KIAA1217: variants seen among roughly 807,000 people sequenced by gnomAD.
The protein encoded by KIAA1217 is sickle tail protein homolog.
KIAA1217 carries 88 observed loss-of-function variants against 163.9 expected under a neutral mutation model. The ratio of observed to expected loss-of-function variants is 0.54; its 90% CI spans 0.45 to 0.64. KIAA1217 has a LOEUF of 0.64. Ranked by LOEUF, KIAA1217 falls within the 30% of genes least tolerant of loss-of-function variation. The probability of loss-of-function intolerance (pLI) is 0.00; values close to 1 mark genes in which losing one functional copy is unlikely to be tolerated. For synonymous variants in KIAA1217, 903 were observed against 923.1 expected (o/e 0.98, Z 0.39); for missense variants, 2,372 against 2,475.0 (o/e 0.96, Z 0.88).
At position 24,245,705 on chromosome 10, in the gene KIAA1217, C is replaced by T. The variant is rs572210413; in HGVS notation, c.354+25796C>T. Among the ~76,000 whole-genome samples the T allele has an allele frequency of 1.0e-3, 152 of 152,216 alleles. 1 individual carries two copies. The highest frequency in any genetic ancestry group is 3.6e-3 in the African/African-American group (150 of 41,536). ...GGAGTGTAGTGGTACAATCATGTCTCACTGCAGCCTCAACCTCCCGGGCTC... is the reference window on the plus strand; with the variant it reads ...GGAGTGTAGTGGTACAATCATGTCTTACTGCAGCCTCAACCTCCCGGGCTC... On this transcript the variant is annotated intron_variant, in intron 2 of 20. Coordinates refer to ENST00000376454, the MANE Select transcript of KIAA1217 (RefSeq NM_019590.5).
At chr10:24,078,313 G>A (rs746284517) in intron 2 of KIAA1217, among the ~76,000 whole-genome samples, 8 of 152,276 alleles carry the variant, frequency 5.3e-5, no homozygotes, top group East Asian at 1.9e-4. Flanking sequence ...GGGTAAAGCC[G>A]TGATGGAGCA....
At chr10:24,243,979 G>A (rs1258738097) in intron 2 of KIAA1217, among the ~76,000 whole-genome samples, 2 of 152,192 alleles carry the variant, frequency 1.3e-5, no homozygotes, top group Admixed American at 6.5e-5. Context: ...TTGTAAATCA[G>A]ATGGGCTGCG....
At chr10:24,448,246 T>TA (rs1554875603) in intron 5 of KIAA1217, among the ~76,000 whole-genome samples, 2 of 151,328 alleles carry the variant, frequency 1.3e-5, no homozygotes, top group Admixed American at 6.6e-5. Flanking sequence ...TTTTTTTGCG[T>TA]GGGGGGGGCT....
At chr10:23,930,486 C>A (rs1299434077) in intron 1 of KIAA1217, among the ~76,000 whole-genome samples, 1 of 152,132 alleles carries the variant, frequency 6.6e-6, no homozygotes, top group Non-Finnish European at 1.5e-5. Flanking sequence ...GCTCTCAACT[C>A]GGCAGCAGAC....
intron 2 of KIAA1217, among the ~76,000 whole-genome samples, chr10:24,092,847 T>C (rs141593525): frequency 2.0e-5 from 3 of 151,762 alleles, no homozygotes; most frequent in African/African-American, 7.3e-5. Context: ...ACTCTTTGTA[T>C]TTGTCAGAAT....
chr10:23,917,148 G>A (rs184160658), intron 1 of KIAA1217, among the ~76,000 whole-genome samples: 8 of 152,010 alleles, frequency 5.3e-5, no homozygotes, highest in Admixed American at 1.3e-4. Flanking sequence ...ATTTTAGTGC[G>A]TTAATGACAC....
At chr10:24,102,493 C>T (rs1292560389) in intron 2 of KIAA1217, among the ~76,000 whole-genome samples, 1 of 152,064 alleles carries the variant, frequency 6.6e-6, no homozygotes, top group African/African-American at 2.4e-5. Flanking sequence ...TCAATGAAAT[C>T]CTAATCAAAA....
chr10:23,797,418 C>T (rs1303282399), intron 1 of KIAA1217, among the ~76,000 whole-genome samples: 1 of 152,054 alleles, frequency 6.6e-6, no homozygotes, highest in Non-Finnish European at 1.5e-5. Context: ...TCATTATGTC[C>T]AATTTCAAAG....
chr10:23,912,404 T>C (rs1004478562), intron 1 of KIAA1217, among the ~76,000 whole-genome samples: 5 of 151,494 alleles, frequency 3.3e-5, no homozygotes, highest in Non-Finnish European at 5.9e-5. Flanking sequence ...TGCGTAGTGG[T>C]AAGTCTGGGC....
At chr10:24,378,093 T>G (rs2134712907) in intron 2 of KIAA1217, among the ~76,000 whole-genome samples, 1 of 152,322 alleles carries the variant, frequency 6.6e-6, no homozygotes, top group Non-Finnish European at 1.5e-5. Context: ...CTGCACTTTT[T>G]TCTGTTTCAC....
rs1176768873 is a variant in KIAA1217 at position 24,195,181 on chromosome 10, A to G, written c.-170-24445A>G. ...TGCTCCTTCAGGCCTAGGAGAAGTAAGAGTCCCTGTCCCTGGACTGCAGCA... is the reference window on the plus strand; with the variant it reads ...TGCTCCTTCAGGCCTAGGAGAAGTAGGAGTCCCTGTCCCTGGACTGCAGCA... On this transcript the variant is annotated intron_variant, in intron 2 of 18. Coordinates refer to the KIAA1217 transcript ENST00000376462. Among the ~76,000 whole-genome samples the G allele has an allele frequency of 3.9e-5, 6 of 152,148 alleles. No homozygotes were observed. The South Asian group carries it at 1.2e-3, about 32-fold the overall frequency.
At chr10:23,931,072 C>T (rs1032417103) in intron 1 of KIAA1217, among the ~76,000 whole-genome samples, 12 of 152,054 alleles carry the variant, frequency 7.9e-5, no homozygotes, top group South Asian at 2.1e-4. Flanking sequence ...TTCTATAGTT[C>T]CTACTTCTAG....
At chr10:24,412,009 G>A (rs2057826625) in intron 3 of KIAA1217, among the ~76,000 whole-genome samples, 1 of 152,194 alleles carries the variant, frequency 6.6e-6, no homozygotes, top group East Asian at 1.9e-4. Context: ...ATCGCCGAGG[G>A]TGGGTTAGTA....
chr10:24,146,505 A>G (rs2064318772), intron 2 of KIAA1217, among the ~76,000 whole-genome samples: 1 of 152,010 alleles, frequency 6.6e-6, no homozygotes, highest in African/African-American at 2.4e-5. Context: ...GGGCAACATG[A>G]CGAAACCCCA....
intron 2 of KIAA1217, among the ~76,000 whole-genome samples, chr10:24,199,348 A>G (rs892818728): frequency 2.0e-5 from 3 of 152,336 alleles, no homozygotes; most frequent in South Asian, 2.1e-4. Flanking sequence ...TAACAATAAT[A>G]TAGATGAGAG....
intron 2 of KIAA1217, among the ~76,000 whole-genome samples, chr10:24,079,169 A>C (rs761174878): frequency 6.6e-6 from 1 of 152,200 alleles, no homozygotes; most frequent in Non-Finnish European, 1.5e-5. Context: ...AAGTAGCCAC[A>C]ATGTGCAGGG....
rs1185622519 is a variant in KIAA1217 at position 24,015,789 on chromosome 10, A to G, written c.-171+8415A>G. ...AAAAGAAAAAGAAAAAAGGAAAGAA[A>G]GAAAGAAAGAAATAGAAACGTAAAA... On this transcript the variant is annotated intron_variant, in intron 2 of 18. Transcript: ENST00000376462. Among the ~76,000 whole-genome samples the G allele has an allele frequency of 2.0e-5, 3 of 151,824 alleles. No individual in the cohort carries two copies. The East Asian group carries it at 5.8e-4, about 29-fold the overall frequency.
At chr10:24,409,985 T>TTTTC (rs2057597022) in intron 3 of KIAA1217, among the ~76,000 whole-genome samples, 1 of 138,456 alleles carries the variant, frequency 7.2e-6, no homozygotes, top group Non-Finnish European at 1.5e-5. Context: ...TTTTCTTTTC[T>TTTTC]TTTTCTTTTT....
intron 1 of KIAA1217, among the ~76,000 whole-genome samples, chr10:23,910,698 A>G (rs1465079222): frequency 6.6e-6 from 1 of 152,230 alleles, no homozygotes; most frequent in Non-Finnish European, 1.5e-5. Flanking sequence ...GTAGGACGTT[A>G]GGTGTAAGCT....
Sources: gnomAD v4.1 joint callset for allele counts (sites outside exome capture counted in the v4.1 genomes callset) on GRCh38, gnomAD v4.1.1 for gene constraint, MANE v1.5 for transcripts, NCBI Gene and HGNC (gene_info 2026-07-23, HGNC 2026-07-21) for gene names.